KLHL2: variants seen among roughly 807,000 people sequenced by gnomAD.
KLHL2 encodes kelch like family member 2.
KLHL2 carries 15 observed loss-of-function variants against 75.8 expected under a neutral mutation model. The ratio of observed to expected loss-of-function variants is 0.20; its 90% CI spans 0.13 to 0.30. The LOEUF is 0.30. KLHL2 is among the 10% of genes least tolerant of loss of function. The pLI, the probability that KLHL2 is intolerant of heterozygous loss-of-function variation, is 1.00. For synonymous variants in KLHL2, 214 were observed against 251.9 expected (o/e 0.85, Z 1.42); for missense variants, 381 against 741.0 (o/e 0.51, Z 5.64).
chr4:165,232,385 C>G (rs959699188), intron 3 of KLHL2, among the ~76,000 whole-genome samples: 1 of 150,854 alleles, frequency 6.6e-6, no homozygotes, highest in African/African-American at 2.4e-5. Context: ...CGAGATAGCA[C>G]CACTGCAATC....
intron 2 of KLHL2, among the ~76,000 whole-genome samples, chr4:165,222,876 G>A (rs1738115065): frequency 6.6e-6 from 1 of 152,204 alleles, no homozygotes; most frequent in Non-Finnish European, 1.5e-5. Context: ...TAGAGCAACA[G>A]CTGTACTCCG....
At chr4:165,297,307 ATTTG>A (rs2126505809) in intron 6 of KLHL2, among the ~76,000 whole-genome samples, 1 of 152,254 alleles carries the variant, frequency 6.6e-6, no homozygotes, top group South Asian at 2.1e-4. Flanking sequence ...ATGGTCTAAC[ATTTG>A]TTTGTAAACC....
At chr4:165,213,094 T>C (rs532325794) in intron 1 of KLHL2, among the ~76,000 whole-genome samples, 2 of 152,362 alleles carry the variant, frequency 1.3e-5, no homozygotes, top group South Asian at 2.1e-4. Context: ...AGCATTGGAA[T>C]AGTCTTTGAT....
intron 5 of KLHL2, among the ~76,000 whole-genome samples, chr4:165,267,895 C>T (rs1328304900): frequency 6.6e-6 from 1 of 152,154 alleles, no homozygotes; most frequent in Non-Finnish European, 1.5e-5. Context: ...GGTATCAGCT[C>T]CTCTTTGTAC....
intron 5 of KLHL2, among the ~76,000 whole-genome samples, chr4:165,264,755 T>TAA (rs1254566509): frequency 2.2e-5 from 2 of 90,936 alleles, no homozygotes; most frequent in African/African-American, 5.1e-5. Flanking sequence ...TATATATATA[T>TAA]ATATATATAT....
At chr4:165,279,739 G>C (rs1379769212) in intron 5 of KLHL2, 5 of 974,084 alleles carry the variant, frequency 5.1e-6, no homozygotes, top group Non-Finnish European at 8.3e-6. Flanking sequence ...AAAGAGCGAG[G>C]CCGCGCGAGT....
At chr4:165,219,649 T>C in intron 1 of KLHL2, 1 of 1,140,534 alleles carries the variant, frequency 8.8e-7, no homozygotes, top group Non-Finnish European at 1.1e-6. Flanking sequence ...AACAGTTTTA[T>C]TTGGAGATAT....
intron 4 of KLHL2, among the ~76,000 whole-genome samples, chr4:165,250,889 G>C (rs572345593): frequency 2.0e-5 from 3 of 152,220 alleles, no homozygotes; most frequent in Non-Finnish European, 4.4e-5. Flanking sequence ...TTGTGCATTT[G>C]AGTTGGCATG....
chr4:165,300,711 A>G (rs1745284173), intron 8 of KLHL2, among the ~76,000 whole-genome samples: 1 of 152,222 alleles, frequency 6.6e-6, no homozygotes, highest in African/African-American at 2.4e-5. Context: ...GTCTAATCAG[A>G]ATGACTCATA....
chr4:165,229,238 A>G (rs2111039497), intron 3 of KLHL2, among the ~76,000 whole-genome samples: 2 of 152,358 alleles, frequency 1.3e-5, no homozygotes, highest in Middle Eastern at 6.8e-3. Flanking sequence ...CATTTTTTAA[A>G]ATGATTTTTA....
At chr4:165,273,403 A>C (rs981499193) in intron 5 of KLHL2, among the ~76,000 whole-genome samples, 1 of 152,214 alleles carries the variant, frequency 6.6e-6, no homozygotes, top group African/African-American at 2.4e-5. Context: ...AGTTGTAATA[A>C]ACTTTCCAAA....
Position 165,311,569 on chromosome 4 carries a change from G to T in KLHL2, c.1339+4G>T, listed in dbSNP as rs763952309. On this transcript the variant is annotated splice_donor_region_variant and intron_variant, in intron 11 of 14. Transcript: ENST00000226725. ...GTTGGTGTGGGTGTTGTTGGAGGTA[G>T]GTGTTGACAGTTCTTTCAGGTACAT... 1.2e-6 allele frequency: 2 copies of T among 1,602,432 alleles called. No individual in the cohort carries two copies. Among genetic ancestry groups the T allele is most frequent in the South Asian group, 2.2e-5 (2 of 90,476 alleles).
intron 1 of KLHL2, among the ~76,000 whole-genome samples, chr4:165,214,438 C>T (rs528730626): frequency 1.3e-5 from 2 of 152,190 alleles, no homozygotes; most frequent in South Asian, 4.1e-4. Flanking sequence ...TAGTCACTGT[C>T]AGGGACAAAA....
At chr4:165,219,687 T>C in intron 1 of KLHL2, 1 of 1,257,262 alleles carries the variant, frequency 8.0e-7, no homozygotes, top group Non-Finnish European at 1.0e-6. Flanking sequence ...CTGAATATTC[T>C]GTGTTGATCT....
At chr4:165,301,041 C>G (rs556324408) in intron 8 of KLHL2, among the ~76,000 whole-genome samples, 2 of 152,174 alleles carry the variant, frequency 1.3e-5, no homozygotes, top group African/African-American at 4.8e-5. Flanking sequence ...TTTTCTAGAT[C>G]GTTAGCAAAT....
Position 165,207,622 on chromosome 4 carries a change from C to A in KLHL2, c.-255C>A. On this transcript the variant is annotated 5_prime_UTR_variant, in exon 1 of 15. Transcript: ENST00000226725. This position sits in a 1 kb window ranked among gnomAD's most constrained non-coding sequence, Gnocchi z 4.2. The stretch of plus-strand genomic sequence containing the variant: ...CCCGGAAGTGGCCGAGCCCGCGCGC[C>A]CGCCGGTCCCGTCGCCGCCGCCCCG... 1 of 149,760 alleles carries A rather than the reference C, an allele frequency of 6.7e-6. No homozygotes were observed. The highest frequency in any genetic ancestry group is 1.8e-4 in the South Asian group (1 of 5,436). The allele number at this position is 149,760 out of a possible 1,614,324, so 9.3% of individuals were successfully genotyped here.
intron 5 of KLHL2, among the ~76,000 whole-genome samples, chr4:165,286,466 G>A (rs1245877500): frequency 6.6e-6 from 1 of 152,128 alleles, no homozygotes; most frequent in East Asian, 1.9e-4. Flanking sequence ...AAAGGAGGCT[G>A]AAGGCAGGCA....
chr4:165,313,970 A>G, intron 12 of KLHL2, 56 bp from the exon 13 acceptor site: 1 of 1,547,504 alleles, frequency 6.5e-7, no homozygotes, highest in Non-Finnish European at 8.8e-7. Context: ...TAAACCTAAT[A>G]TGATATAAAT....
At chr4:165,219,528 T>C in intron 1 of KLHL2, 1 of 223,958 alleles carries the variant, frequency 4.5e-6, no homozygotes, top group South Asian at 1.4e-4. Flanking sequence ...AGATTCTAAG[T>C]TTCTGAAGTT....
Sources: gnomAD v4.1 joint callset for allele counts (sites outside exome capture counted in the v4.1 genomes callset) on GRCh38, gnomAD v4.1.1 for gene constraint, Gnocchi (gnomAD v3.1) non-coding constraint, MANE v1.5 for transcripts, NCBI Gene and HGNC (gene_info 2026-07-23, HGNC 2026-07-21) for gene names.